STARD3NL: variants seen among roughly 807,000 people sequenced by gnomAD.
STARD3NL encodes the protein STARD3 N-terminal-like protein.
A neutral mutation model predicts 30.9 loss-of-function variants in STARD3NL; 17 were observed. That is an observed-to-expected ratio of 0.55 (90% CI 0.38 to 0.82). STARD3NL has a LOEUF of 0.82. STARD3NL is among the 40% of genes least tolerant of loss of function. The pLI is 0.00. For missense variants in STARD3NL, 234 were observed against 277.6 expected (o/e 0.84, Z 1.12); for synonymous variants, 112 against 100.5 (o/e 1.11, Z -0.69).
chr7:38,198,114 C>T (rs1785008553), intron 1 of STARD3NL: 1 of 152,264 alleles, frequency 6.6e-6, no homozygotes, highest in Non-Finnish European at 1.5e-5. Context: ...TGATGTGTCT[C>T]CTACTTTCTT....
At chr7:38,227,627 A>C (rs1031554408) in intron 7 of STARD3NL, among the ~76,000 whole-genome samples, 4 of 152,088 alleles carry the variant, frequency 2.6e-5, no homozygotes, top group Non-Finnish European at 5.9e-5. Flanking sequence ...AATTGATGGC[A>C]TCTCTCACCC....
intron 7 of STARD3NL, among the ~76,000 whole-genome samples, chr7:38,224,094 A>G (rs1177205898): frequency 6.6e-6 from 1 of 151,756 alleles, no homozygotes; most frequent in Non-Finnish European, 1.5e-5. Flanking sequence ...TGCTTAGCAT[A>G]AGGTTTGAGG....
chr7:38,197,956 T>C (rs542622091), intron 1 of STARD3NL, among the ~76,000 whole-genome samples: 3 of 152,278 alleles, frequency 2.0e-5, no homozygotes, highest in Non-Finnish European at 4.4e-5. Flanking sequence ...CTCATAACAG[T>C]GGGGGGCCTT....
intron 1 of STARD3NL, among the ~76,000 whole-genome samples, chr7:38,183,496 T>G (rs1256841505): frequency 6.6e-6 from 1 of 152,192 alleles, no homozygotes; most frequent in African/African-American, 2.4e-5. Flanking sequence ...TCCATTTGTT[T>G]GGGTTAGATG....
At chr7:38,219,805 C>T (rs911990364) in intron 7 of STARD3NL, 145 bp downstream of exon 7, 20 of 614,306 alleles carry the variant, frequency 3.3e-5, no homozygotes, top group African/African-American at 1.6e-4. Context: ...AGGTGAGACA[C>T]GGTCTCACAT....
intron 1 of STARD3NL, among the ~76,000 whole-genome samples, chr7:38,197,169 T>TTTCTTTCTTTCTTTCC (rs1784953530): frequency 6.7e-6 from 1 of 148,394 alleles, no homozygotes; most frequent in East Asian, 2.0e-4. Context: ...TCTTTCTTTC[T>TTTCTTTCTTTCTTTCC]TTCTTTCTTT....
At chr7:38,206,276 A>T (rs1370420990) in intron 1 of STARD3NL, among the ~76,000 whole-genome samples, 7 of 152,198 alleles carry the variant, frequency 4.6e-5, no homozygotes, top group Admixed American at 4.6e-4. Flanking sequence ...TGAGCCACAT[A>T]CTGGCGATTC....
intron 2 of STARD3NL, among the ~76,000 whole-genome samples, chr7:38,209,160 C>A (rs989168492): frequency 1.4e-4 from 21 of 152,166 alleles, no homozygotes; most frequent in Non-Finnish European, 2.4e-4. Flanking sequence ...AATTTAGAGT[C>A]TCTTTTTGCT....
chr7:38,200,260 G>T (rs1785113970), intron 1 of STARD3NL, among the ~76,000 whole-genome samples: 1 of 152,146 alleles, frequency 6.6e-6, no homozygotes, highest in African/African-American at 2.4e-5. Context: ...CTGCTCTGAG[G>T]CATGGTTTCT....
At chr7:38,204,654 G>A (rs1190620425) in intron 1 of STARD3NL, among the ~76,000 whole-genome samples, 2 of 151,930 alleles carry the variant, frequency 1.3e-5, no homozygotes, top group Non-Finnish European at 2.9e-5. Context: ...ACTGGAGGAG[G>A]TAGAGACACA....
At chr7:38,228,739 ATAG>A (rs1360122244) in intron 7 of STARD3NL, 57 bp from the exon 8 acceptor site, 2 of 1,408,508 alleles carry the variant, frequency 1.4e-6, no homozygotes, top group Non-Finnish European at 2.0e-6. Flanking sequence ...TTTATTTAAA[ATAG>A]TTTGTTACTG....
At chr7:38,218,485 T>A (rs1482817185) in intron 6 of STARD3NL, among the ~76,000 whole-genome samples, 1 of 152,250 alleles carries the variant, frequency 6.6e-6, no homozygotes, top group East Asian at 1.9e-4. Flanking sequence ...CTTTTTTAAT[T>A]GTATATAAAT....
chr7:38,213,548 C>T (rs1406696539), intron 2 of STARD3NL, among the ~76,000 whole-genome samples: 1 of 152,150 alleles, frequency 6.6e-6, no homozygotes, highest in Non-Finnish European at 1.5e-5. Context: ...TCCATTGGTC[C>T]TCTTTTAAAC....
intron 1 of STARD3NL, among the ~76,000 whole-genome samples, chr7:38,192,857 G>A (rs910370255): frequency 2.8e-5 from 4 of 145,450 alleles, no homozygotes; most frequent in Admixed American, 7.1e-5. Flanking sequence ...CCTGAAGATC[G>A]GGCGCACACT....
At chr7:38,192,135 G>T (rs1286009076) in intron 1 of STARD3NL, among the ~76,000 whole-genome samples, 4 of 152,144 alleles carry the variant, frequency 2.6e-5, no homozygotes, top group South Asian at 2.1e-4. Context: ...TTTTGTTTTT[G>T]ATGCTATTTT....
At chr7:38,192,095 C>T (rs1784710506) in intron 1 of STARD3NL, among the ~76,000 whole-genome samples, 2 of 152,134 alleles carry the variant, frequency 1.3e-5, no homozygotes, top group Non-Finnish European at 2.9e-5. Context: ...TGCAATATTG[C>T]ATATCTTTTA....
intron 1 of STARD3NL, among the ~76,000 whole-genome samples, chr7:38,191,886 TA>T (rs937000868): frequency 1.1e-4 from 16 of 149,610 alleles, no homozygotes; most frequent in Admixed American, 4.1e-4. Context: ...GTATACATTT[TA>T]GAATTAGCTT....
intron 1 of STARD3NL, among the ~76,000 whole-genome samples, chr7:38,180,347 C>G (rs1427601644): frequency 6.6e-6 from 1 of 152,176 alleles, no homozygotes; most frequent in Non-Finnish European, 1.5e-5. Flanking sequence ...CTTTCTACTT[C>G]CAACCGTGAA....
At chr7:38,178,611 CAA>C (rs1450810070) in intron 1 of STARD3NL, among the ~76,000 whole-genome samples, 191 bp downstream of exon 1, 4 of 152,188 alleles carry the variant, frequency 2.6e-5, no homozygotes, top group Non-Finnish European at 5.9e-5. Context: ...ATAATGGACA[CAA>C]GAGTGAAGTT....
Sources: allele counts gnomAD v4.1 joint callset (sites outside exome capture counted in the v4.1 genomes callset), GRCh38; gene constraint gnomAD v4.1.1; transcripts MANE v1.5; gene names NCBI Gene and HGNC (gene_info 2026-07-23, HGNC 2026-07-21).